The following CA14 variants were observed in gnomAD, a reference collection of about 807,000 sequenced individuals.
CA14 encodes the protein carbonic anhydrase 14, also known as CA-XIV.
In CA14, 44 loss-of-function variants were observed where a neutral mutation model predicts 48.8. That is an observed-to-expected ratio of 0.90 (90% CI 0.71 to 1.16). The LOEUF is 1.16. CA14 is among the 50% of genes most tolerant of loss of function. The probability of loss-of-function intolerance (pLI) is 0.00; values close to 1 mark genes in which losing one functional copy is unlikely to be tolerated. For synonymous variants in CA14, 154 were observed against 155.0 expected, an observed-to-expected ratio of 0.99 and a Z score of 0.05; for missense variants, 386 against 401.0, an observed-to-expected ratio of 0.96 and a Z score of 0.32.
chr1:150,259,644 A>T (rs1314616979), intron 1 of CA14, among the ~76,000 whole-genome samples: 1 of 152,064 alleles, frequency 6.6e-6, no homozygotes, highest in Non-Finnish European at 1.5e-5. Context: ...CAGTGGCTTT[A>T]TTCATGCAAT....
At chr1:150,260,452 T>C in intron 2 of CA14, 2 of 526,584 alleles carry the variant, frequency 3.8e-6, no homozygotes, top group South Asian at 3.9e-5. Flanking sequence ...GGGTGGGAAC[T>C]CTGAGCTTAG....
chr1:150,262,186 T>C lies in CA14; in HGVS notation c.285T>C (p.Tyr95=). The part of the protein sequence containing the change: ...TVQLSLPSTL[Y]LGGLPRKYVA... ...AACTCTCTCTGCCCTCTACCCTGTA[T>C]CTGGGTGGACTTCCCCGAAAATATG... The change falls in exon 4 of 11, where the codon TAT becomes TAC. Residue 95 remains tyrosine, a synonymous_variant. Transcript: ENST00000369111. The C allele has an allele frequency of 1.2e-6, 2 of 1,614,144 alleles. No individual in the cohort carries two copies. The highest frequency in any genetic ancestry group is 1.1e-5 in the South Asian group (1 of 91,080).
intron 6 of CA14, 38 bp downstream of exon 6, chr1:150,262,908 A>T (rs587607413): frequency 1.2e-5 from 19 of 1,586,698 alleles, no homozygotes; most frequent in Middle Eastern, 1.7e-4. Context: ...GTAAGATTAG[A>T]CTTTCAAAAA....
chr1:150,260,350 A>C (rs1235133341), intron 2 of CA14, 179 bp downstream of exon 2: 2 of 711,238 alleles, frequency 2.8e-6, no homozygotes, highest in African/African-American at 1.7e-5. Flanking sequence ...TGCTCTAATC[A>C]TCAAATCCTA....
intron 1 of CA14, among the ~76,000 whole-genome samples, chr1:150,259,546 T>C (rs1650816593): frequency 6.6e-6 from 1 of 151,272 alleles, no homozygotes; most frequent in African/African-American, 2.4e-5. Flanking sequence ...CATCTCAGAA[T>C]GTAGGGAGCA....
Position 150,263,697 on chromosome 1 carries a change from G to A in CA14, c.862+18G>A. On this transcript the variant is annotated intron_variant, in intron 9 of 10. Transcript: ENST00000369111. The stretch of plus-strand genomic sequence containing the variant: ...TACCACAGGTAAGCCAGCCTTATAA[G>A]ATAATGCGGGGAGGGGAGGTGTCCT... 2 of 1,614,096 alleles carry A rather than the reference G, an allele frequency of 1.2e-6. No homozygotes were observed. The highest frequency in any genetic ancestry group is 2.2e-5 in the South Asian group (2 of 91,086).
In CA14 at chr1:150,263,316, G is replaced by T; in HGVS notation, c.738G>T (p.Gly246=). 2 of 1,614,182 alleles carry T rather than the reference G, an allele frequency of 1.2e-6. No individual in the cohort carries two copies. Among genetic ancestry groups the T allele is most frequent in the Non-Finnish European group, 1.7e-6 (2 of 1,180,042 alleles). ...ISMEQLEKLQ[G]TLFSTEEEPS... ...CTCCTCAGCTGGAAAAGCTTCAGGG[G>T]ACATTGTTCTCCACAGAAGAGGAGC... The change falls in exon 8 of 11, where the codon GGG becomes GGT. Residue 246 remains glycine, a synonymous_variant. Coordinates refer to ENST00000369111, the MANE Select transcript of CA14 (RefSeq NM_012113.3).
At chr1:150,260,113 G>T (rs1265234399) in intron 1 of CA14, 38 bp from the exon 2 acceptor site, 1 of 1,611,484 alleles carries the variant, frequency 6.2e-7, no homozygotes, top group Non-Finnish European at 8.5e-7. Flanking sequence ...TCTGCCCCAG[G>T]CTGCGCTGGC....
At chr1:150,258,985 A>G (rs868926240) in intron 1 of CA14, among the ~76,000 whole-genome samples, 1 of 152,300 alleles carries the variant, frequency 6.6e-6, no homozygotes. Flanking sequence ...ATGGAGAGTC[A>G]CAAATCTCAT....
At chr1:150,261,664 G>C in intron 3 of CA14, 26 bp downstream of exon 3, 2 of 1,606,236 alleles carry the variant, frequency 1.2e-6, no homozygotes, top group Non-Finnish European at 8.5e-7. Context: ...CCAAGGAGTT[G>C]TAGGCTCCAG....
In CA14 at chr1:150,261,586, A is replaced by G; in HGVS notation, c.204A>G (p.Gly68=). Residue 68 remains glycine (G), a synonymous_variant, in exon 3 of 11, where the codon GGA becomes GGG. Transcript: ENST00000369111. ...DPDLPALQPH[G]YDQPGTEPLD... ...ATTTGCCTGCTCTGCAGCCCCACGG[A>G]TATGACCAGCCTGGCACCGAGCCTT... The G allele has an allele frequency of 6.2e-7, 1 of 1,614,186 alleles. No individual in the cohort carries two copies. Among genetic ancestry groups the G allele is most frequent in the Non-Finnish European group, 8.5e-7 (1 of 1,180,030 alleles).
chr1:150,264,061 G>GACT (rs1651405364), intron 10 of CA14, among the ~76,000 whole-genome samples, 183 bp downstream of exon 10: 1 of 151,990 alleles, frequency 6.6e-6, no homozygotes, highest in Non-Finnish European at 1.5e-5. Context: ...GAGTAGCTGG[G>GACT]ACTACAGGCA....
In CA14 at chr1:150,264,960, C is replaced by G; in HGVS notation, c.*301C>G. On this transcript the variant is annotated 3_prime_UTR_variant, in exon 11 of 11. Transcript: ENST00000369111. ...GATATACCCCAAAGTCCTCTACCCCCTCACTTTTATGGCCCTTTCCCTAGA... is the reference window on the plus strand; with the variant it reads ...GATATACCCCAAAGTCCTCTACCCCGTCACTTTTATGGCCCTTTCCCTAGA... 4.1e-6 allele frequency: 1 copy of G among 240,980 alleles called. No individual in the cohort carries two copies. Among genetic ancestry groups the G allele is most frequent in the Non-Finnish European group, 8.1e-6 (1 of 123,710 alleles). The allele number at this position is 240,980 out of a possible 1,614,324, so 14.9% of individuals were successfully genotyped here.
In CA14 at chr1:150,263,108, T is replaced by TA; in HGVS notation, c.629_630insA (p.Phe210LeufsTer23). On this transcript the variant is annotated frameshift_variant, in exon 7 of 11. Coordinates refer to ENST00000369111, the MANE Select transcript of CA14 (RefSeq NM_012113.3). LOFTEE classifies it high-confidence loss of function. Reference sequence around the variant, plus strand: ...CTCCCCAAACAGCTGGGGCAGTACTTCCGCTACAATGGCTCGCTCACAACT... The same window carrying TA: ...CTCCCCAAACAGCTGGGGCAGTACTTACCGCTACAATGGCTCGCTCACAACT... The TA allele has an allele frequency of 6.2e-7, 1 of 1,614,104 alleles. No homozygotes were observed. Among genetic ancestry groups the TA allele is most frequent in the Non-Finnish European group, 8.5e-7 (1 of 1,180,006 alleles).
chr1:150,262,524 G>A lies in CA14; in HGVS notation c.400-1G>A, dbSNP rs782262732. On this transcript the variant is annotated splice_acceptor_variant, in intron 4 of 10. Coordinates refer to ENST00000369111, the MANE Select transcript of CA14 (RefSeq NM_012113.3). LOFTEE classifies it high-confidence loss of function. ...ATTCAATTCCCTCTTCCTTCCTTTA[G>A]CTCCACATTGTACATTATGACTCTG... 6 of 1,612,204 alleles carry A rather than the reference G, an allele frequency of 3.7e-6. No homozygotes were observed. Among genetic ancestry groups the A allele is most frequent in the Admixed American group, 1.7e-5 (1 of 59,998 alleles).
intron 2 of CA14, chr1:150,261,194 G>C (rs1651001062): frequency 1.0e-5 from 5 of 484,234 alleles, no homozygotes; most frequent in Non-Finnish European, 1.8e-5. Flanking sequence ...GTAAGTAAAA[G>C]AGCTACCACT....
intron 8 of CA14, 108 bp downstream of exon 8, chr1:150,263,527 T>C: frequency 1.2e-6 from 2 of 1,606,592 alleles, no homozygotes; most frequent in Non-Finnish European, 1.7e-6. Flanking sequence ...TTTCTGGGAC[T>C]TGCTTGGACT....
Position 150,258,051 on chromosome 1 carries a change from C to T in CA14, c.-78C>T. On this transcript the variant is annotated 5_prime_UTR_variant, in exon 1 of 11. Transcript: ENST00000369111. Reference sequence around the variant, plus strand: ...CGCTCTCTCTCTCTCTCTCTCACTCCTCCCTCCCTCTCTCTCTGCCTGTCC... The same window carrying T: ...CGCTCTCTCTCTCTCTCTCTCACTCTTCCCTCCCTCTCTCTCTGCCTGTCC... 1.9e-6 allele frequency: 2 copies of T among 1,074,534 alleles called. No homozygotes were observed. Among genetic ancestry groups the T allele is most frequent in the East Asian group, 2.7e-5 (1 of 37,690 alleles). 66.6% of individuals were successfully genotyped at this position (1,074,534 alleles called of 1,614,324 possible). A position where few individuals can be genotyped will look rare whatever the true frequency, so the allele number is the denominator to read the frequency against.
chr1:150,264,025 A>C, intron 10 of CA14, 147 bp downstream of exon 10: 1 of 658,094 alleles, frequency 1.5e-6, no homozygotes, highest in Non-Finnish European at 2.6e-6. Context: ...TTCTGGGTTC[A>C]AGCAATTCTC....
Sources: allele counts gnomAD v4.1 joint callset (sites outside exome capture counted in the v4.1 genomes callset), GRCh38; gene constraint gnomAD v4.1.1; transcripts MANE v1.5; gene names NCBI Gene and HGNC (gene_info 2026-07-23, HGNC 2026-07-21).